CDK15: variants seen among roughly 807,000 people sequenced by gnomAD.
The protein encoded by CDK15 is cyclin-dependent kinase 15.
A neutral mutation model predicts 60.3 loss-of-function variants in CDK15; 62 were observed. That is an observed-to-expected ratio of 1.03 (90% confidence interval 0.84 to 1.27). The LOEUF is 1.27. Among genes scored for constraint, CDK15 ranks in the 50% most tolerant of loss-of-function variants. The probability of loss-of-function intolerance (pLI) is 0.00; values close to 1 mark genes in which losing one functional copy is unlikely to be tolerated. For missense variants in CDK15, 541 were observed against 527.8 expected, an observed-to-expected ratio of 1.03 and a Z score of -0.25; for synonymous variants, 194 against 195.7, an observed-to-expected ratio of 0.99 and a Z score of 0.07.
At chr2:201,821,840 C>G (rs1696233113) in intron 4 of CDK15, among the ~76,000 whole-genome samples, 1 of 152,100 alleles carries the variant, frequency 6.6e-6, no homozygotes, top group African/African-American at 2.4e-5. Context: ...CCCACCACGC[C>G]CGGCTAATTT....
In CDK15 at chr2:201,822,889, G is replaced by C; in HGVS notation, c.529G>C (p.Val177Leu). ...CCACACCAAAGAGACACTGACATTC[G>C]TTTTTGAATACATGGTGAGTTGTTC... Reference protein sequence around the residue: ...IIHTKETLTFVFEYMHTDLAQ... With the variant: ...IIHTKETLTFLFEYMHTDLAQ... The change falls in exon 5 of 14, where the codon GTT becomes CTT. Residue 177 changes from valine to leucine, a missense_variant. By Grantham distance (32) the Val-to-Leu change is conservative. Transcript: ENST00000652192. 1 of 1,606,474 alleles carries C rather than the reference G, an allele frequency of 6.2e-7. No homozygotes were observed. Among genetic ancestry groups the C allele is most frequent in the Non-Finnish European group, 8.5e-7 (1 of 1,173,238 alleles).
At chr2:201,843,238 G>A (rs755184319) in intron 8 of CDK15, among the ~76,000 whole-genome samples, 1 of 152,054 alleles carries the variant, frequency 6.6e-6, no homozygotes, top group Non-Finnish European at 1.5e-5. Flanking sequence ...CCAGGCTGGA[G>A]TGCAGTGGTG....
intron 9 of CDK15, among the ~76,000 whole-genome samples, chr2:201,851,487 G>A (rs757917947): frequency 3.9e-5 from 6 of 151,906 alleles, no homozygotes. Flanking sequence ...AAGAGCAAAC[G>A]GGCCTGACTG....
intron 8 of CDK15, among the ~76,000 whole-genome samples, chr2:201,839,352 A>G (rs1366291253): frequency 2.6e-5 from 4 of 152,324 alleles, no homozygotes; most frequent in Middle Eastern, 3.4e-3. Context: ...ATTTTAAAAG[A>G]TAAAGACTGA....
At chr2:201,847,783 T>C (rs780278068) in intron 9 of CDK15, among the ~76,000 whole-genome samples, 16 of 152,178 alleles carry the variant, frequency 1.1e-4, no homozygotes, top group Non-Finnish European at 1.8e-4. Flanking sequence ...GACATGTCCC[T>C]ACCTTGCTAC....
At position 201,882,064 on chromosome 2, in the gene CDK15, T is replaced by C. The variant is rs1699297035; in HGVS notation, c.1198+1897T>C. Reference sequence around the variant, plus strand: ...GATGATTAGGAAGAAACAATCACTGTCCAAACTGATGTGTTGTTAGAAACT... The same window carrying C: ...GATGATTAGGAAGAAACAATCACTGCCCAAACTGATGTGTTGTTAGAAACT... On this transcript the variant is annotated intron_variant, in intron 12 of 13. Transcript: ENST00000652192. The surrounding 1 kb of genome is among the most constrained non-coding windows in gnomAD (Gnocchi z 4.0). Among the ~76,000 whole-genome samples the C allele has an allele frequency of 1.3e-5, 2 of 152,164 alleles. No individual in the cohort carries two copies. The highest frequency in any genetic ancestry group is 4.8e-5 in the African/African-American group (2 of 41,442).
chr2:201,835,978 A>G, intron 8 of CDK15, among the ~76,000 whole-genome samples: 1 of 51,808 alleles, frequency 1.9e-5, no homozygotes, highest in South Asian at 1.1e-3. Flanking sequence ...ATATATTTAT[A>G]TATTTTTATA....
At chr2:201,860,758 C>CAT in intron 10 of CDK15, 1 of 1,352,134 alleles carries the variant, frequency 7.4e-7, no homozygotes, top group Non-Finnish European at 9.8e-7. Flanking sequence ...CAAGAAACAG[C>CAT]ATGGATGGCA....
chr2:201,847,391 T>C lies in CDK15; in HGVS notation c.862T>C (p.Cys288Arg). ...SSELDIWGAG[C>R]IFIEMFQGQP... ...TATTTCATTTGCTAGGGGTGCAGGC[T>C]GCATCTTTATTGAAATGTTCCAGGG... The change falls in exon 9 of 14, where the codon TGC (cysteine) becomes CGC (arginine). Residue 288 changes from cysteine (C) to arginine (R), a missense_variant. Coordinates refer to ENST00000652192, the MANE Select transcript of CDK15 (RefSeq NM_001366386.2). 6.2e-7 allele frequency: 1 copy of C among 1,614,026 alleles called. No homozygotes were observed. The highest frequency in any genetic ancestry group is 8.5e-7 in the Non-Finnish European group (1 of 1,179,912).
chr2:201,880,250 G>A (rs1699228828), intron 12 of CDK15, 83 bp downstream of exon 12: 2 of 1,502,326 alleles, frequency 1.3e-6, no homozygotes, highest in Admixed American at 4.0e-5. Context: ...TAAGTAGTTT[G>A]CCTCAGCACC....
intron 10 of CDK15, chr2:201,861,565 CTTTTT>C (rs869051401): frequency 4.1e-6 from 3 of 729,308 alleles, no homozygotes; most frequent in Admixed American, 9.9e-5. Context: ...TTTTTTTTTT[CTTTTT>C]TTTTTTTTTT....
Position 201,882,447 on chromosome 2 carries a change from G to A in CDK15, c.1198+2280G>A, listed in dbSNP as rs866516737. 2.0e-5 allele frequency among the ~76,000 whole-genome samples: 3 copies of A among 152,144 alleles called. No individual in the cohort carries two copies. Among genetic ancestry groups the A allele is most frequent in the Non-Finnish European group, 2.9e-5 (2 of 68,024 alleles). ...AATTATGCCTGATAAAAGGAGTTTC[G>A]TGGATGTTTCAGTTCTTTCAAATTC... On this transcript the variant is annotated intron_variant, in intron 12 of 13. Coordinates refer to ENST00000652192, the MANE Select transcript of CDK15 (RefSeq NM_001366386.2). This position sits in a 1 kb window ranked among gnomAD's most constrained non-coding sequence, Gnocchi z 4.0.
At chr2:201,890,703 C>A in intron 12 of CDK15, 82 bp from the exon 13 acceptor site, 2 of 1,029,142 alleles carry the variant, frequency 1.9e-6, no homozygotes, top group Non-Finnish European at 2.8e-6. Context: ...CTTCAGGTGG[C>A]AAATATTACA....
At chr2:201,834,472 G>A (rs1163267898) in intron 7 of CDK15, among the ~76,000 whole-genome samples, 1 of 152,160 alleles carries the variant, frequency 6.6e-6, no homozygotes, top group Non-Finnish European at 1.5e-5. Context: ...TTTCCTCTAA[G>A]TATCACTGTA....
chr2:201,858,240 AG>A (rs1698228130), intron 10 of CDK15, among the ~76,000 whole-genome samples: 1 of 152,192 alleles, frequency 6.6e-6, no homozygotes, highest in Non-Finnish European at 1.5e-5. Flanking sequence ...TTTGATGAGC[AG>A]GGTTGTAAGT....
chr2:201,863,147 G>T (rs1014649379), intron 10 of CDK15, among the ~76,000 whole-genome samples: 37 of 152,148 alleles, frequency 2.4e-4, no homozygotes, highest in African/African-American at 8.9e-4. Context: ...ATCAGTCAGT[G>T]AAATTAATTT....
intron 8 of CDK15, among the ~76,000 whole-genome samples, chr2:201,837,714 C>G (rs990852518): frequency 6.6e-6 from 1 of 151,962 alleles, no homozygotes; most frequent in African/African-American, 2.4e-5. Flanking sequence ...ACTTTACAGA[C>G]GTAGACAACT....
chr2:201,881,883 T>C (rs567901340), intron 12 of CDK15, among the ~76,000 whole-genome samples: 1 of 152,182 alleles, frequency 6.6e-6, no homozygotes, highest in Admixed American at 6.5e-5. Context: ...GTGTACACGC[T>C]TGGATGTACA....
rs757637119 is a variant in CDK15, at chr2:201,833,832, T to C, written c.607-16T>C. Reference sequence around the variant, plus strand: ...GTGGCTCAAATCTCCTTATGGATAGTGTTTCTTCCTTCCAGCTTTTCATGT... The same window carrying C: ...GTGGCTCAAATCTCCTTATGGATAGCGTTTCTTCCTTCCAGCTTTTCATGT... On this transcript the variant is annotated splice_polypyrimidine_tract_variant and intron_variant, in intron 6 of 13. Transcript: ENST00000652192. 2 of 1,613,110 alleles carry C rather than the reference T, an allele frequency of 1.2e-6. No individual in the cohort carries two copies. Among genetic ancestry groups the C allele is most frequent in the Non-Finnish European group, 1.7e-6 (2 of 1,179,558 alleles).
Sources: allele counts gnomAD v4.1 joint callset (sites outside exome capture counted in the v4.1 genomes callset), GRCh38; gene constraint gnomAD v4.1.1; non-coding constraint Gnocchi (gnomAD v3.1); transcripts MANE v1.5; gene names NCBI Gene and HGNC (gene_info 2026-07-23, HGNC 2026-07-21).